The following MLH3 variants were observed in gnomAD, a reference collection of about 807,000 sequenced individuals.
The protein encoded by MLH3 is DNA mismatch repair protein Mlh3.
In MLH3, 82 loss-of-function variants were observed where a neutral mutation model predicts 122.2. The ratio of observed to expected loss-of-function variants is 0.67; its 90% CI spans 0.56 to 0.81. MLH3 has a LOEUF of 0.81. Ranked by LOEUF, MLH3 falls within the 30% of genes least tolerant of loss-of-function variation. MLH3 has a pLI of 0.00. For missense variants in MLH3, 1,539 were observed against 1,714.5 expected (o/e 0.90, Z 1.81); for synonymous variants, 524 against 599.5 (o/e 0.87, Z 1.84).
At chr14:75,035,062 C>CAG (rs1891304543) in intron 6 of MLH3, among the ~76,000 whole-genome samples, 2 of 40,248 alleles carry the variant, frequency 5.0e-5, no homozygotes, top group African/African-American at 2.1e-4. Flanking sequence ...GACTCCATCT[C>CAG]AAAAAAAAAA....
At position 75,039,992 on chromosome 14, in the gene MLH3, G is replaced by C. The variant is rs1007399877; in HGVS notation, c.3489C>G (p.Gly1163=). The C allele has an allele frequency of 1.9e-6, 3 of 1,593,646 alleles. No homozygotes were observed. The highest frequency in any genetic ancestry group is 2.6e-6 in the Non-Finnish European group (3 of 1,164,140). The change falls in exon 5 of 13, where the codon GGC becomes GGG. Residue 1163 remains glycine (G), a synonymous_variant. Transcript: ENST00000355774. ...TTTTAACTGCTAAGCTCTCAGCCTG[G>C]CCACTGCTTACATCAACAGCAACCT... The part of the protein sequence containing the change: ...YPEVAVDVSS[G]QAESLAVKIH...
chr14:75,039,863 ATATATATATATATATATATT>A (rs749232422), intron 5 of MLH3, 28 bp downstream of exon 5: 1 of 115,646 alleles, frequency 8.6e-6, no homozygotes. Flanking sequence ...ATATATATAT[ATATATATATATATATATATT>A]TATGAGATTT....
In MLH3 at chr14:75,039,874, T is replaced by C; in HGVS notation, c.3570+37A>G. ...ATATATATATATATATATATATATA[T>C]ATATATATTTATGAGATTTTGAAGT... is the stretch of plus-strand genomic sequence containing the variant. On this transcript the variant is annotated intron_variant, in intron 5 of 12. Coordinates refer to ENST00000355774, the MANE Select transcript of MLH3 (RefSeq NM_001040108.2). 5.0e-6 allele frequency: 2 copies of C among 401,438 alleles called. 1 individual carries two copies. Among genetic ancestry groups the C allele is most frequent in the South Asian group, 4.4e-5 (2 of 45,918 alleles). The allele number at this position is 401,438 out of a possible 1,614,324, so 24.9% of individuals were successfully genotyped here.
rs146186309 is a variant in MLH3 at position 75,034,902 on chromosome 14, A to C, written c.3644-1412T>G. ...ACATGGTGAAACCCTGTCTCTACTA[A>C]AAATACAAGAATTAGCCGGGCGTGG... On this transcript the variant is annotated intron_variant, in intron 6 of 12. Coordinates refer to ENST00000355774, the MANE Select transcript of MLH3 (RefSeq NM_001040108.2). Among the ~76,000 whole-genome samples the C allele has an allele frequency of 9.9e-5, 15 of 151,974 alleles. No individual in the cohort carries two copies. In the East Asian group the frequency reaches 2.9e-3, roughly 30 times the overall value.
At position 75,048,317 on chromosome 14, in the gene MLH3, C is replaced by G; in HGVS notation, c.1339G>C (p.Gly447Arg). The G allele has an allele frequency of 6.2e-7, 1 of 1,614,038 alleles. No individual in the cohort carries two copies. The change falls in exon 2 of 13, where the codon GGT becomes CGT. Residue 447 changes from glycine (G) to arginine (R), a missense_variant. By Grantham distance (125) the Gly-to-Arg change is moderately radical. Transcript: ENST00000355774. Reference protein sequence around the residue: ...DAFLYIYESGGPGHSKMTEPS... With the variant: ...DAFLYIYESGRPGHSKMTEPS... ...TCTGTCATTTTGCTATGGCCTGGAC[C>G]ACCTGATTCATAAATGTACAAAAAT...
At position 75,047,268 on chromosome 14, in the gene MLH3, G is replaced by A. The variant is rs1892307810; in HGVS notation, c.2388C>T (p.Asn796=). 6.2e-7 allele frequency: 1 copy of A among 1,614,008 alleles called. No homozygotes were observed. The highest frequency in any genetic ancestry group is 8.5e-7 in the Non-Finnish European group (1 of 1,180,016). ...VEPDILLKDK[N]RLENSDVCKI... ...TACAAACATCAGAGTTCTCTAAGCG[G>A]TTCTTGTCCTTCAGCAGAATGTCAG... Residue 796 remains asparagine (N), a synonymous_variant, in exon 2 of 13, where the codon AAC becomes AAT. Coordinates refer to ENST00000355774, the MANE Select transcript of MLH3 (RefSeq NM_001040108.2).
rs113490514 is a variant in MLH3 at position 75,041,674 on chromosome 14, C to T, written c.3406G>A (p.Glu1136Lys). ...RDTVDDTVSS[E>K]SLQSLFSEWD... is the part of the protein sequence containing the mutation. ...TCTGAGAACAAAGACTGAAGCGATT[C>T]GCTACTAACAGTATCATCCACAGTA... is the stretch of plus-strand genomic sequence containing the variant. The change falls in exon 4 of 13, where the codon GAA (glutamate) becomes AAA (lysine). Residue 1136 changes from glutamate (E) to lysine (K), a missense_variant. Glu to Lys is a moderately conservative substitution (Grantham distance 56). Coordinates refer to ENST00000355774, the MANE Select transcript of MLH3 (RefSeq NM_001040108.2). 28 of 1,613,838 alleles carry T rather than the reference C, an allele frequency of 1.7e-5. No individual in the cohort carries two copies. Among genetic ancestry groups the T allele is most frequent in the African/African-American group, 1.2e-4 (9 of 74,886 alleles).
At chr14:75,051,257 C>T (rs1892644773) in intron 1 of MLH3, 123 bp downstream of exon 1, 1 of 152,320 alleles carries the variant, frequency 6.6e-6, no homozygotes, top group Non-Finnish European at 1.5e-5. Flanking sequence ...CGCCAGGCCG[C>T]CGGGCCTCCG....
chr14:75,033,888 C>T (rs1156345856), intron 6 of MLH3, among the ~76,000 whole-genome samples: 5 of 152,180 alleles, frequency 3.3e-5, no homozygotes, highest in Middle Eastern at 3.4e-3. Context: ...AGTTCACCAG[C>T]ATCTCATTTA....
chr14:75,045,256 G>A (rs1892130412), intron 2 of MLH3, among the ~76,000 whole-genome samples: 1 of 152,152 alleles, frequency 6.6e-6, no homozygotes, highest in Non-Finnish European at 1.5e-5. Context: ...CTTGAACCTG[G>A]GAGGCGGAGG....
Position 75,048,242 on chromosome 14 carries a change from C to CGTTA in MLH3, c.1413_1414insTAAC (p.Glu472Ter). 1 of 1,613,904 alleles carries CGTTA rather than the reference C, an allele frequency of 6.2e-7. No homozygotes were observed. The highest frequency in any genetic ancestry group is 8.5e-7 in the Non-Finnish European group (1 of 1,179,980). ...TCTGATGCTACAATTGTCTCTTGTTCTAACATCTTTGATTCTGAGCAAGAG... is the reference window on the plus strand; with the variant it reads ...TCTGATGCTACAATTGTCTCTTGTTCGTTATAACATCTTTGATTCTGAGCAAGAG... On this transcript the variant is annotated stop_gained and frameshift_variant, in exon 2 of 13. Coordinates refer to ENST00000355774, the MANE Select transcript of MLH3 (RefSeq NM_001040108.2). LOFTEE classifies it high-confidence loss of function.
At chr14:75,050,675 C>G (rs1892596574) in intron 1 of MLH3, among the ~76,000 whole-genome samples, 1 of 152,330 alleles carries the variant, frequency 6.6e-6, no homozygotes, top group South Asian at 2.1e-4. Context: ...GCTGGGATTA[C>G]AGGTGTGAAC....
intron 4 of MLH3, among the ~76,000 whole-genome samples, chr14:75,040,623 G>A (rs1342306983): frequency 2.0e-5 from 3 of 152,004 alleles, no homozygotes; most frequent in Non-Finnish European, 4.4e-5. Context: ...ATATCTTGAG[G>A]AAAGAACTGG....
rs550214543 is a variant in MLH3, at chr14:75,043,083, C to T, written c.3281-606G>A. On this transcript the variant is annotated intron_variant, in intron 2 of 12. Coordinates refer to ENST00000355774, the MANE Select transcript of MLH3 (RefSeq NM_001040108.2). ...GAGCCACTGTGCCCGGCTTGAGACA[C>T]TTTTCATTGTCACAACTTGAGTAAA... 5.9e-5 allele frequency among the ~76,000 whole-genome samples: 9 copies of T among 152,244 alleles called. No individual in the cohort carries two copies. The South Asian group carries it at 1.7e-3, about 28-fold the overall frequency.
Position 75,047,529 on chromosome 14 carries a change from T to G in MLH3, c.2127A>C (p.Ile709=), listed in dbSNP as rs1465514568. 1.9e-6 allele frequency: 3 copies of G among 1,613,880 alleles called. No individual in the cohort carries two copies. The Admixed American group carries it at 5.0e-5, about 27-fold the overall frequency. ...GGAAAGAGGGGGATGTATCAGATAA[T>G]ATGCAATCTGTTTGTGATTTTTTGC... ...EGSKKSQTDC[I]LSDTSPSFPW... is the part of the protein sequence containing the mutation. Residue 709 remains isoleucine, a synonymous_variant, in exon 2 of 13, where the codon ATA becomes ATC. Coordinates refer to ENST00000355774, the MANE Select transcript of MLH3 (RefSeq NM_001040108.2).
Position 75,015,335 on chromosome 14 carries a change from G to A in MLH3, c.*1747C>T. The A allele has an allele frequency of 5.7e-6, 1 of 176,624 alleles. No individual in the cohort carries two copies. Among genetic ancestry groups the A allele is most frequent in the Non-Finnish European group, 1.2e-5 (1 of 81,956 alleles). The allele number at this position is 176,624 out of a possible 1,614,324, so 10.9% of individuals were successfully genotyped here. Reference sequence around the variant, plus strand: ...AAGGCCGGTTACATAATTTATGGAGGACTTTTTCTAATCCTCTGCTACTCT... The same window carrying A: ...AAGGCCGGTTACATAATTTATGGAGAACTTTTTCTAATCCTCTGCTACTCT... On this transcript the variant is annotated 3_prime_UTR_variant, in exon 13 of 13. Coordinates refer to ENST00000355774, the MANE Select transcript of MLH3 (RefSeq NM_001040108.2).
intron 1 of MLH3, among the ~76,000 whole-genome samples, chr14:75,050,277 T>C (rs533127029): frequency 1.3e-5 from 2 of 152,342 alleles, no homozygotes; most frequent in Non-Finnish European, 2.9e-5. Context: ...TTAAGTATAG[T>C]CACCTCAGGG....
In MLH3 at chr14:75,048,235, T is replaced by C. The variant is rs1339310845; in HGVS notation, c.1421A>G (p.Glu474Gly). The stretch of plus-strand genomic sequence containing the variant: ...TCCAGCTTCTGATGCTACAATTGTC[T>C]CTTGTTCTAACATCTTTGATTCTGA... ...SCSESKMLEQ[E>G]TIVASEAGEN... Residue 474 changes from glutamate (E) to glycine (G), a missense_variant, in exon 2 of 13, where the codon GAG (glutamate) becomes GGG (glycine). Coordinates refer to ENST00000355774, the MANE Select transcript of MLH3 (RefSeq NM_001040108.2). The C allele has an allele frequency of 1.9e-6, 3 of 1,613,872 alleles. No individual in the cohort carries two copies. The highest frequency in any genetic ancestry group is 2.5e-6 in the Non-Finnish European group (3 of 1,179,950).
At chr14:75,043,975 G>A (rs1037152081) in intron 2 of MLH3, among the ~76,000 whole-genome samples, 1 of 152,126 alleles carries the variant, frequency 6.6e-6, no homozygotes, top group Non-Finnish European at 1.5e-5. Context: ...TGTAATTCCA[G>A]CTACTCAGGA....
Sources: allele counts gnomAD v4.1 joint callset (sites outside exome capture counted in the v4.1 genomes callset), GRCh38; gene constraint gnomAD v4.1.1; transcripts MANE v1.5; gene names NCBI Gene and HGNC (gene_info 2026-07-23, HGNC 2026-07-21).